SP140: variants seen among roughly 807,000 people sequenced by gnomAD.
The protein encoded by SP140 is SP140 nuclear body protein, also known as nuclear body protein SP140.
Under a neutral mutation model 125.0 loss-of-function variants are expected in SP140, and 81 were observed. The observed-to-expected ratio is 0.65, with a 90% CI of 0.54 to 0.78. SP140 has a LOEUF of 0.78. Among genes scored for constraint, SP140 ranks in the 30% least tolerant of loss-of-function variants. The pLI, the probability that SP140 is intolerant of heterozygous loss-of-function variation, is 0.00. For synonymous variants in SP140, 312 were observed against 354.0 expected, an observed-to-expected ratio of 0.88 and a Z score of 1.33; for missense variants, 858 against 1,037.0, an observed-to-expected ratio of 0.83 and a Z score of 2.37.
At chr2:230,255,629 A>G (rs2051071140) in intron 12 of SP140, 97 bp downstream of exon 12, 7 of 1,042,052 alleles carry the variant, frequency 6.7e-6, no homozygotes, top group Non-Finnish European at 1.0e-5. Context: ...CTCTGCATAT[A>G]CCTCACAGTG....
intron 10 of SP140, among the ~76,000 whole-genome samples, chr2:230,251,931 G>A (rs1354200036): frequency 6.6e-6 from 1 of 152,128 alleles, no homozygotes; most frequent in Non-Finnish European, 1.5e-5. Context: ...GCGGAGACCA[G>A]TGTCCTGGAT....
rs565165386 is a variant in SP140 at position 230,281,304 on chromosome 2, G to A, written c.1499-3042G>A. ...GCATTTCTCTATCCACTCACTAACC[G>A]GTGGTCAAGTTTGAAACATTTCAAG... On this transcript the variant is annotated intron_variant, in intron 15 of 26. Transcript: ENST00000392045. 9.9e-5 allele frequency among the ~76,000 whole-genome samples: 15 copies of A among 152,176 alleles called. No individual in the cohort carries two copies. In the South Asian group the frequency reaches 3.1e-3, roughly 32 times the overall value.
intron 15 of SP140, among the ~76,000 whole-genome samples, chr2:230,272,100 G>C (rs2054011661): frequency 1.3e-5 from 2 of 152,146 alleles, no homozygotes; most frequent in African/African-American, 4.8e-5. Flanking sequence ...CATGTTCATG[G>C]ATAGGAAGAA....
chr2:230,281,166 T>C (rs1405837469), intron 15 of SP140, among the ~76,000 whole-genome samples: 1 of 152,172 alleles, frequency 6.6e-6, no homozygotes. Context: ...TCACGAAAAT[T>C]TTAAGCATAC....
intron 12 of SP140, among the ~76,000 whole-genome samples, chr2:230,257,408 C>A (rs1264956214): frequency 6.6e-6 from 1 of 151,848 alleles, no homozygotes; most frequent in Admixed American, 6.6e-5. Flanking sequence ...AAGAGAAAGT[C>A]CAGAAAGCCG....
chr2:230,231,956 G>A (rs549621325), intron 1 of SP140, among the ~76,000 whole-genome samples: 11 of 151,450 alleles, frequency 7.3e-5, no homozygotes, highest in Admixed American at 2.6e-4. Context: ...TGATCCACCC[G>A]TCTCAGTCTC....
intron 1 of SP140, chr2:230,209,910 C>T: frequency 2.7e-6 from 4 of 1,479,546 alleles, no homozygotes; most frequent in Non-Finnish European, 3.8e-6. Context: ...CTGACCTCTA[C>T]AGAAGAAAGG....
chr2:230,221,654 C>T (rs977437631), upstream of SP140: 20 of 1,502,340 alleles, frequency 1.3e-5, no homozygotes, highest in East Asian at 1.7e-4. Flanking sequence ...CAGGGGATGG[C>T]GGTGGTAAAG....
At chr2:230,212,509 G>T in intron 1 of SP140, 1 of 1,192,454 alleles carries the variant, frequency 8.4e-7, no homozygotes, top group Non-Finnish European at 1.3e-6. Context: ...AGTGCCTGGG[G>T]CAGATAGAGC....
At chr2:230,189,249 A>G in the SP140 span, among the ~76,000 whole-genome samples, 109,429 of 151,696 alleles carry the variant, frequency 0.72, 40,075 homozygotes, top group Admixed American at 0.81. Flanking sequence ...GGGTTTCTCT[A>G]GTTCCTTGAG....
Position 230,287,877 on chromosome 2 carries a change from A to G in SP140, c.1646-15A>G, listed in dbSNP as rs753015127. On this transcript the variant is annotated splice_polypyrimidine_tract_variant and intron_variant, in intron 17 of 26. Coordinates refer to ENST00000392045, the MANE Select transcript of SP140 (RefSeq NM_007237.5). Reference sequence around the variant, plus strand: ...GCTCATAAATGACTGTGATTATATTATTCTACTTTCTCAGGGAGAAAGAGA... The same window carrying G: ...GCTCATAAATGACTGTGATTATATTGTTCTACTTTCTCAGGGAGAAAGAGA... 1 of 1,601,064 alleles carries G rather than the reference A, an allele frequency of 6.2e-7. No individual in the cohort carries two copies. The highest frequency in any genetic ancestry group is 8.5e-7 in the Non-Finnish European group (1 of 1,172,218).
chr2:230,300,444 A>C (rs773944655), intron 22 of SP140, among the ~76,000 whole-genome samples: 1 of 152,154 alleles, frequency 6.6e-6, no homozygotes, highest in Non-Finnish European at 1.5e-5. Flanking sequence ...GGTACCCATG[A>C]CTGGGAGAAC....
chr2:230,222,097 G>T (rs1345627812), upstream of SP140, among the ~76,000 whole-genome samples: 2 of 152,142 alleles, frequency 1.3e-5, no homozygotes, highest in Non-Finnish European at 2.9e-5. Context: ...GGGCGTGGTG[G>T]CACATGCCTG....
In SP140 at chr2:230,237,345, C is replaced by T; in HGVS notation, c.237+85C>T. The T allele has an allele frequency of 1.6e-6, 2 of 1,265,924 alleles. No individual in the cohort carries two copies. 78.4% of individuals were successfully genotyped at this position (1,265,924 alleles called of 1,614,324 possible). The stretch of plus-strand genomic sequence containing the variant: ...AAGATGCAATGAGCAGGCTAAAGGG[C>T]CTCCTGTGAGTGGGGACCTTCACCA... On this transcript the variant is annotated intron_variant, in intron 2 of 26. Transcript: ENST00000392045. The surrounding 1 kb of genome is among the most constrained non-coding windows in gnomAD (Gnocchi z 5.4).
chr2:230,200,684 A>G, upstream of SP140: 1 of 613,758 alleles, frequency 1.6e-6, no homozygotes, highest in Non-Finnish European at 2.9e-6. Flanking sequence ...ATACATATGG[A>G]CACATTACAT....
chr2:230,189,639 T>A, the SP140 span, among the ~76,000 whole-genome samples: 1 of 152,146 alleles, frequency 6.6e-6, no homozygotes, highest in Non-Finnish European at 1.5e-5. Flanking sequence ...TAGGTATGCA[T>A]GTGCCATGGT....
chr2:230,194,183 T>C, the SP140 span, among the ~76,000 whole-genome samples: 1 of 152,218 alleles, frequency 6.6e-6, no homozygotes, highest in East Asian at 1.9e-4. Flanking sequence ...CATGTCCTAA[T>C]TCATGTTTGG....
At chr2:230,264,316 T>C (rs568274995) in intron 12 of SP140, among the ~76,000 whole-genome samples, 12 of 152,350 alleles carry the variant, frequency 7.9e-5, no homozygotes, top group Admixed American at 5.2e-4. Flanking sequence ...CAAAGTTTCC[T>C]GAATTTTTTA....
At chr2:230,187,157 A>G in the SP140 span, among the ~76,000 whole-genome samples, 4 of 152,136 alleles carry the variant, frequency 2.6e-5, no homozygotes, top group Non-Finnish European at 5.9e-5. Context: ...CGTCCATGTT[A>G]ACATCTATTT....
Sources: gnomAD v4.1 joint callset for allele counts (sites outside exome capture counted in the v4.1 genomes callset) on GRCh38, gnomAD v4.1.1 for gene constraint, Gnocchi (gnomAD v3.1) non-coding constraint, MANE v1.5 for transcripts, NCBI Gene and HGNC (gene_info 2026-07-23, HGNC 2026-07-21) for gene names.